Variants in AGBL1 observed in about 807,000 individuals in gnomAD.
AGBL1 encodes the protein AGBL carboxypeptidase 1.
In AGBL1, 130 loss-of-function variants were observed where a neutral mutation model predicts 118.9. That is an observed-to-expected ratio of 1.09 (90% confidence interval 0.95 to 1.26). The LOEUF is 1.26. AGBL1 is among the 50% of genes most tolerant of loss of function. The pLI, the probability that AGBL1 is intolerant of heterozygous loss-of-function variation, is 0.00. For synonymous variants in AGBL1, 555 were observed against 478.9 expected (o/e 1.16, Z -2.08); for missense variants, 1,584 against 1,298.1 (o/e 1.22, Z -3.38).
At chr15:86,288,696 G>T (rs767817112) in intron 16 of AGBL1, among the ~76,000 whole-genome samples, 46 of 151,822 alleles carry the variant, frequency 3.0e-4, no homozygotes, top group Non-Finnish European at 5.3e-4. Flanking sequence ...ATATTCTCTG[G>T]AAAGACAAAG....
chr15:86,262,479 T>C, intron 9 of AGBL1: 1 of 384,924 alleles, frequency 2.6e-6, no homozygotes, highest in African/African-American at 2.1e-5. Flanking sequence ...AGATAAAGAA[T>C]TTCTTTTATA....
intron 22 of AGBL1, among the ~76,000 whole-genome samples, chr15:86,843,608 G>A (rs1160601236): frequency 1.3e-5 from 2 of 152,110 alleles, no homozygotes; most frequent in African/African-American, 2.4e-5. Flanking sequence ...ATAAGGCAAC[G>A]CCGAATGATT....
intron 22 of AGBL1, among the ~76,000 whole-genome samples, chr15:86,825,265 G>A (rs1050220798): frequency 6.6e-6 from 1 of 151,504 alleles, no homozygotes; most frequent in African/African-American, 2.4e-5. Flanking sequence ...TGAGTCTTTA[G>A]TCTTGATACC....
chr15:86,257,843 T>A, intron 8 of AGBL1, 121 bp from the exon 9 acceptor site: 1 of 901,784 alleles, frequency 1.1e-6, no homozygotes, highest in Non-Finnish European at 1.7e-6. Context: ...ATTGTGCAAT[T>A]AATATTGGGC....
chr15:86,266,720 G>C (rs966948716), intron 12 of AGBL1, among the ~76,000 whole-genome samples: 7 of 152,156 alleles, frequency 4.6e-5, no homozygotes, highest in Admixed American at 3.9e-4. Flanking sequence ...GGCTAACATG[G>C]TGAAACTCTG....
rs139859814 is a variant in AGBL1 at position 86,242,625 on chromosome 15, G to T, written c.527-5046G>T. Among the ~76,000 whole-genome samples the T allele has an allele frequency of 5.3e-5, 8 of 152,350 alleles. No individual in the cohort carries two copies. In the East Asian group the frequency reaches 1.5e-3, roughly 29 times the overall value. On this transcript the variant is annotated intron_variant, in intron 6 of 22. Coordinates refer to ENST00000614907, the MANE Select transcript of AGBL1 (RefSeq NM_001386094.1). ...TGAGTTTAGAAGTCTACACTCATCT[G>T]CATGTCTCATTTCTGGAGCTGTGGC...
At chr15:86,656,066 C>T (rs780099899) in intron 21 of AGBL1, among the ~76,000 whole-genome samples, 3 of 152,156 alleles carry the variant, frequency 2.0e-5, no homozygotes, top group Non-Finnish European at 2.9e-5. Context: ...ATGAAGCATG[C>T]TTCCAGGCCC....
At chr15:86,124,350 A>C (rs1263673221) in intron 1 of AGBL1, among the ~76,000 whole-genome samples, 4 of 150,598 alleles carry the variant, frequency 2.7e-5, no homozygotes, top group African/African-American at 9.9e-5. Flanking sequence ...AAAAAAAACA[A>C]AGAAAACCCC....
chr15:86,783,840 A>C (rs935494795), intron 22 of AGBL1, among the ~76,000 whole-genome samples: 5 of 128,030 alleles, frequency 3.9e-5, no homozygotes, highest in African/African-American at 1.0e-4. Flanking sequence ...CATGTCAGCC[A>C]GGCTGGTCTC....
At chr15:86,716,724 G>A (rs370403359) in intron 22 of AGBL1, among the ~76,000 whole-genome samples, 6 of 152,142 alleles carry the variant, frequency 3.9e-5, no homozygotes, top group Admixed American at 1.3e-4. Context: ...TCCCAAAGCC[G>A]TCATTGCTAA....
chr15:86,842,792 G>C (rs999813422), intron 22 of AGBL1, among the ~76,000 whole-genome samples: 12 of 152,146 alleles, frequency 7.9e-5, no homozygotes, highest in African/African-American at 2.9e-4. Context: ...GGAAGCAGAG[G>C]ATTCAGCTCT....
intron 22 of AGBL1, among the ~76,000 whole-genome samples, chr15:86,787,001 A>G (rs1050963105): frequency 2.6e-5 from 4 of 152,172 alleles, no homozygotes; most frequent in African/African-American, 7.2e-5. Flanking sequence ...AGATTTCTTA[A>G]TGCTCCACAT....
At chr15:86,129,510 C>T (rs925875093) in intron 1 of AGBL1, among the ~76,000 whole-genome samples, 5 of 151,992 alleles carry the variant, frequency 3.3e-5, no homozygotes, top group African/African-American at 7.3e-5. Flanking sequence ...TTAGGTTTAC[C>T]GGGAGGAATA....
intron 22 of AGBL1, among the ~76,000 whole-genome samples, chr15:86,689,316 G>A (rs1404999125): frequency 1.3e-5 from 2 of 152,170 alleles, no homozygotes; most frequent in East Asian, 1.9e-4. Context: ...GCCTAAAGTA[G>A]CATTTCTAGC....
intron 6 of AGBL1, among the ~76,000 whole-genome samples, chr15:86,233,201 A>T (rs72752182): frequency 6.6e-6 from 1 of 152,194 alleles, no homozygotes; most frequent in Admixed American, 6.5e-5. Context: ...TGGAGTCAGG[A>T]AACTGGACTC....
At position 86,106,828 on chromosome 15, in the gene AGBL1, C is replaced by T. The variant is rs1897081115; in HGVS notation, c.51+26805C>T. On this transcript the variant is annotated intron_variant, in intron 1 of 22. Transcript: ENST00000614907. Reference sequence around the variant, plus strand: ...GTACTTGCTAGTTCTTGGAGTTGCTCATAGAAAGATCAGGCTAGTGGATCT... The same window carrying T: ...GTACTTGCTAGTTCTTGGAGTTGCTTATAGAAAGATCAGGCTAGTGGATCT... 2.6e-5 allele frequency among the ~76,000 whole-genome samples: 4 copies of T among 152,188 alleles called. No individual in the cohort carries two copies. The South Asian group carries it at 8.3e-4, about 31-fold the overall frequency.
chr15:86,734,567 A>G (rs1015133709), intron 22 of AGBL1, among the ~76,000 whole-genome samples: 5 of 152,182 alleles, frequency 3.3e-5, no homozygotes, highest in African/African-American at 1.2e-4. Flanking sequence ...AAATGGGCAT[A>G]CATCCTTCAT....
intron 18 of AGBL1, among the ~76,000 whole-genome samples, chr15:86,410,283 G>C (rs2081589865): frequency 6.6e-6 from 1 of 152,122 alleles, no homozygotes; most frequent in Admixed American, 6.5e-5. Context: ...TATCAGAACT[G>C]TAATGCAATC....
chr15:86,949,684 T>G (rs1212198687), intron 23 of AGBL1, among the ~76,000 whole-genome samples: 4 of 152,104 alleles, frequency 2.6e-5, no homozygotes, highest in Admixed American at 2.0e-4. Flanking sequence ...TTGATCCTTC[T>G]CCATTCTAGA....
Sources: gnomAD v4.1 joint callset for allele counts (sites outside exome capture counted in the v4.1 genomes callset) on GRCh38, gnomAD v4.1.1 for gene constraint, MANE v1.5 for transcripts, NCBI Gene and HGNC (gene_info 2026-07-23, HGNC 2026-07-21) for gene names.